NFX1: variants seen among roughly 807,000 people sequenced by gnomAD.
NFX1 encodes nuclear transcription factor, X-box binding 1, also known as transcriptional repressor NF-X1.
NFX1 carries 69 observed loss-of-function variants against 137.2 expected under a neutral mutation model. That is an observed-to-expected ratio of 0.50 (90% CI 0.41 to 0.61). The LOEUF (loss-of-function observed/expected upper bound fraction) is 0.61, where lower values mean the gene tolerates loss of function less well. Among genes scored for constraint, NFX1 ranks in the 20% least tolerant of loss-of-function variants. The pLI is 0.00. For synonymous variants in NFX1, 495 were observed against 474.1 expected (o/e 1.04, Z -0.57); for missense variants, 1,167 against 1,391.0 (o/e 0.84, Z 2.56).
Position 33,359,548 on chromosome 9 carries a change from G to A in NFX1, c.2874-4462G>A, listed in dbSNP as rs548770692. ...TGGGAGGCAGAGGGTGCAGTGAGCCGAGATGGCGCCACCACACTCTAGCCT... is the reference window on the plus strand; with the variant it reads ...TGGGAGGCAGAGGGTGCAGTGAGCCAAGATGGCGCCACCACACTCTAGCCT... On this transcript the variant is annotated intron_variant, in intron 19 of 23. Coordinates refer to ENST00000379540, the MANE Select transcript of NFX1 (RefSeq NM_002504.6). 1.3e-3 allele frequency among the ~76,000 whole-genome samples: 203 copies of A among 151,940 alleles called. 3 individuals carry two copies. The highest frequency in any genetic ancestry group is 4.9e-4 in the Non-Finnish European group (33 of 67,978).
intron 7 of NFX1, among the ~76,000 whole-genome samples, chr9:33,318,463 T>C (rs1822256524): frequency 6.6e-6 from 1 of 152,252 alleles, no homozygotes; most frequent in African/African-American, 2.4e-5. Context: ...TCTTGGAATG[T>C]GCTGCAGAGG....
At chr9:33,351,011 G>A (rs642100) in intron 15 of NFX1, among the ~76,000 whole-genome samples, 3,840 of 152,262 alleles carry the variant, frequency 0.025, 167 homozygotes, top group African/African-American at 0.087. Context: ...GGTCGTGGTG[G>A]TACACACCTG....
intron 5 of NFX1, among the ~76,000 whole-genome samples, chr9:33,309,449 A>G (rs1287481145): frequency 6.6e-6 from 1 of 152,152 alleles, no homozygotes; most frequent in African/African-American, 2.4e-5. Flanking sequence ...AGATCAAGTG[A>G]TCAGCACCAT....
At position 33,347,060 on chromosome 9, in the gene NFX1, G is replaced by A. The variant is rs747416001; in HGVS notation, c.2367G>A (p.Glu789=). The change falls in exon 15 of 24, where the codon GAG becomes GAA. Residue 789 remains glutamate, a synonymous_variant. Transcript: ENST00000379540. ...DHPVYHSCHS[E]EKCPPCTFLT... is the part of the protein sequence containing the mutation. ...CAGTATATCATTCTTGTCATAGTGA[G>A]GAGAAGTGTCCCCCTTGCACTTTCC... The A allele has an allele frequency of 1.2e-6, 2 of 1,613,446 alleles. No individual in the cohort carries two copies. Among genetic ancestry groups the A allele is most frequent in the Non-Finnish European group, 1.7e-6 (2 of 1,179,458 alleles).
At chr9:33,369,668 G>C (rs1226347282) in intron 23 of NFX1, among the ~76,000 whole-genome samples, 1 of 152,102 alleles carries the variant, frequency 6.6e-6, no homozygotes, top group African/African-American at 2.4e-5. Flanking sequence ...AGTGTAAATA[G>C]AGAATTTGTT....
At chr9:33,359,337 G>A (rs964430085) in intron 19 of NFX1, among the ~76,000 whole-genome samples, 3 of 152,016 alleles carry the variant, frequency 2.0e-5, no homozygotes, top group Admixed American at 6.6e-5. Flanking sequence ...GGTGGCTCAC[G>A]CCTGTAATCC....
intron 9 of NFX1, among the ~76,000 whole-genome samples, chr9:33,327,004 A>C (rs899057681): frequency 2.0e-5 from 3 of 152,196 alleles, no homozygotes; most frequent in Admixed American, 6.5e-5. Flanking sequence ...TTTAGTGAAA[A>C]ATATAATTAA....
intron 12 of NFX1, among the ~76,000 whole-genome samples, chr9:33,339,151 CAT>C (rs1477433578): frequency 6.6e-6 from 1 of 151,930 alleles, no homozygotes; most frequent in African/African-American, 2.4e-5. Flanking sequence ...TATGACATAA[CAT>C]GTATATATAA....
chr9:33,295,749 G>T (rs1821332416), intron 2 of NFX1, among the ~76,000 whole-genome samples: 1 of 152,040 alleles, frequency 6.6e-6, no homozygotes, highest in Non-Finnish European at 1.5e-5. Flanking sequence ...TTTGAGTTGT[G>T]AAAACAAGTG....
intron 9 of NFX1, among the ~76,000 whole-genome samples, chr9:33,319,955 C>G (rs1295459931): frequency 6.7e-6 from 1 of 149,792 alleles, no homozygotes; most frequent in Non-Finnish European, 1.5e-5. Flanking sequence ...TTTTTCTTTT[C>G]TTTTCTTTTC....
At chr9:33,315,348 A>G (rs898423898) in intron 7 of NFX1, among the ~76,000 whole-genome samples, 1 of 152,168 alleles carries the variant, frequency 6.6e-6, no homozygotes, top group African/African-American at 2.4e-5. Context: ...CTGAAAGCTC[A>G]CTGTATTTTT....
In NFX1 at chr9:33,300,114, T is replaced by G. The variant is rs367911923; in HGVS notation, c.1034-1149T>G. Among the ~76,000 whole-genome samples the G allele has an allele frequency of 1.5e-3, 199 of 135,912 alleles. 2 individuals carry two copies. The highest frequency in any genetic ancestry group is 8.4e-3 in the Middle Eastern group (2 of 238). The allele number at this position is 135,912 out of a possible 152,430, so 89.2% of individuals were successfully genotyped here. A position where few individuals can be genotyped will look rare whatever the true frequency, so the allele number is the denominator to read the frequency against. ...TTTGAGACGGAGTCTCACTCTGGAG[T>G]GCAGTGGTGCAATCTCGGCTCACTG... On this transcript the variant is annotated intron_variant, in intron 2 of 23. Coordinates refer to ENST00000379540, the MANE Select transcript of NFX1 (RefSeq NM_002504.6).
At chr9:33,346,978 T>C (rs1023244776) in intron 14 of NFX1, 60 bp from the exon 15 acceptor site, 33 of 1,376,062 alleles carry the variant, frequency 2.4e-5, no homozygotes, top group Non-Finnish European at 3.2e-5. Context: ...ATATGATGTA[T>C]AATGGTTTAC....
rs755097574 is a variant in NFX1 at position 33,328,611 on chromosome 9, A to G, written c.1937A>G (p.His646Arg). The part of the protein sequence containing the change: ...DFIHTCEKLC[H>R]EGDCGPCSRT... ...ATTCATACCTGTGAAAAGCTCTGCC[A>G]TGAAGGAGACTGTGGACCATGCTCT... Residue 646 changes from histidine to arginine, a missense_variant, in exon 10 of 24, where the codon CAT (histidine) becomes CGT (arginine). By Grantham distance (29) the His-to-Arg change is conservative. Coordinates refer to ENST00000379540, the MANE Select transcript of NFX1 (RefSeq NM_002504.6). 6 of 1,612,160 alleles carry G rather than the reference A, an allele frequency of 3.7e-6. No homozygotes were observed. In the South Asian group the frequency reaches 4.4e-5, roughly 12 times the overall value.
In NFX1 at chr9:33,342,852, C is replaced by T; in HGVS notation, c.2222C>T (p.Ala741Val). The change falls in exon 13 of 24, where the codon GCC becomes GTC. Residue 741 changes from alanine (A) to valine (V), a missense_variant and splice_region_variant. Ala to Val is a moderately conservative substitution (Grantham distance 64). This residue lies in a region of NFX1 where 488 missense variants were observed against 691.5 expected (regional missense o/e 0.71). Transcript: ENST00000379540. ...GGAAACTGCCAGACATGCTGGCAAG[C>T]CAGTGAGTGTCTTTACTGTATAGTT... Reference protein sequence around the residue: ...HRGNCQTCWQASFDELTCHCG... With the variant: ...HRGNCQTCWQVSFDELTCHCG... The T allele has an allele frequency of 6.2e-7, 1 of 1,601,268 alleles. No homozygotes were observed. The highest frequency in any genetic ancestry group is 1.3e-5 in the African/African-American group (1 of 74,830).
In NFX1 at chr9:33,301,290, A is replaced by G; in HGVS notation, c.1061A>G (p.Glu354Gly). The G allele has an allele frequency of 1.9e-6, 3 of 1,613,974 alleles. No individual in the cohort carries two copies. The highest frequency in any genetic ancestry group is 1.7e-5 in the Admixed American group (1 of 59,974). ...TGSLIEQLTT[E>G]KYECMVCCEL... ...TCTCTAATTGAACAACTAACAACAG[A>G]AAAATACGAGTGCATGGTGTGCTGT... is the stretch of plus-strand genomic sequence containing the variant. Residue 354 changes from glutamate to glycine, a missense_variant, in exon 3 of 24, where the codon GAA (glutamate) becomes GGA (glycine). Glu to Gly is a moderately conservative substitution (Grantham distance 98, BLOSUM62 -2). Transcript: ENST00000379540.
At chr9:33,298,659 C>T (rs1416912666) in intron 2 of NFX1, among the ~76,000 whole-genome samples, 3 of 152,182 alleles carry the variant, frequency 2.0e-5, no homozygotes, top group Non-Finnish European at 4.4e-5. Flanking sequence ...TGGCACATGC[C>T]TATAGTCCCA....
intron 9 of NFX1, among the ~76,000 whole-genome samples, chr9:33,320,916 T>G (rs1298205439): frequency 1.3e-5 from 2 of 152,216 alleles, no homozygotes; most frequent in African/African-American, 4.8e-5. Context: ...TTTTTCTCAA[T>G]CTGACCTTAA....
chr9:33,367,686 T>TC, intron 23 of NFX1, 67 bp downstream of exon 23: 1 of 1,488,162 alleles, frequency 6.7e-7, no homozygotes. Flanking sequence ...GGCTGAATTG[T>TC]CCTGAGCTGC....
Sources: gnomAD v4.1 joint callset for allele counts (sites outside exome capture counted in the v4.1 genomes callset) on GRCh38, gnomAD v4.1.1 for gene constraint, gnomAD v4.1.1 regional missense constraint, MANE v1.5 for transcripts, NCBI Gene and HGNC (gene_info 2026-07-23, HGNC 2026-07-21) for gene names.